UGGT1: variants seen among roughly 807,000 people sequenced by gnomAD.
UGGT1 encodes UDP-glucose:glycoprotein glucosyltransferase 1.
UGGT1 carries 107 observed loss-of-function variants against 203.9 expected under a neutral mutation model. The ratio of observed to expected loss-of-function variants is 0.52; its 90% CI spans 0.45 to 0.62. The LOEUF (loss-of-function observed/expected upper bound fraction) is 0.62. Ranked by LOEUF, UGGT1 falls within the 20% of genes least tolerant of loss-of-function variation. The probability of loss-of-function intolerance (pLI) is 0.00; values close to 1 mark genes in which losing one functional copy is unlikely to be tolerated. For synonymous variants in UGGT1, 628 were observed against 653.5 expected, an observed-to-expected ratio of 0.96 and a Z score of 0.59; for missense variants, 1,673 against 1,867.2, an observed-to-expected ratio of 0.90 and a Z score of 1.92.
In UGGT1 at chr2:128,157,350, A is replaced by G. The variant is rs762431110; in HGVS notation, c.2355+4A>G. On this transcript the variant is annotated splice_donor_region_variant and intron_variant, in intron 22 of 40. Coordinates refer to ENST00000259253, the MANE Select transcript of UGGT1 (RefSeq NM_020120.4). ...GTATGATGCCATCAAACATCAGGCAAGTATCTATGACTTCATTTTATATTT... is the reference window on the plus strand; with the variant it reads ...GTATGATGCCATCAAACATCAGGCAGGTATCTATGACTTCATTTTATATTT... 8.1e-6 allele frequency: 13 copies of G among 1,611,752 alleles called. No individual in the cohort carries two copies. Among genetic ancestry groups the G allele is most frequent in the South Asian group, 1.1e-5 (1 of 91,030 alleles).
intron 40 of UGGT1, among the ~76,000 whole-genome samples, chr2:128,188,093 T>C (rs1481389818): frequency 6.6e-6 from 1 of 151,506 alleles, no homozygotes; most frequent in Non-Finnish European, 1.5e-5. Context: ...TGATCTTGGC[T>C]CACTGCAGCC....
At position 128,091,353 on chromosome 2, in the gene UGGT1, C is replaced by T. The variant is rs1209788380; in HGVS notation, c.-5C>T. 8 of 1,559,864 alleles carry T rather than the reference C, an allele frequency of 5.1e-6. No homozygotes were observed. Among genetic ancestry groups the T allele is most frequent in the Non-Finnish European group, 6.9e-6 (8 of 1,152,298 alleles). On this transcript the variant is annotated 5_prime_UTR_variant, in exon 1 of 41. Coordinates refer to ENST00000259253, the MANE Select transcript of UGGT1 (RefSeq NM_020120.4). ...GCACTGTGGCGGACTGACCACGGCC[C>T]GGGCATGGGCTGCAAGGGAGACGCG...
chr2:128,153,541 G>A (rs1690082426), intron 19 of UGGT1, among the ~76,000 whole-genome samples: 1 of 151,910 alleles, frequency 6.6e-6, no homozygotes, highest in Non-Finnish European at 1.5e-5. Context: ...CTATCCTCTG[G>A]CAACAACTAA....
At chr2:128,108,762 TG>T (rs1341844272) in intron 4 of UGGT1, among the ~76,000 whole-genome samples, 1 of 152,164 alleles carries the variant, frequency 6.6e-6, no homozygotes, top group Non-Finnish European at 1.5e-5. Context: ...TCTGGCACCA[TG>T]GAAAGCCCTC....
At chr2:128,150,684 T>TTTTC (rs888045277) in intron 18 of UGGT1, among the ~76,000 whole-genome samples, 3 of 98,834 alleles carry the variant, frequency 3.0e-5, no homozygotes, top group Middle Eastern at 5.2e-3. Context: ...TTTTTTTTTT[T>TTTTC]ACAAATGTTT....
chr2:128,127,487 T>C (rs1553436451), intron 12 of UGGT1, 35 bp downstream of exon 12: 1 of 1,451,910 alleles, frequency 6.9e-7, no homozygotes. Context: ...TGAAAAGTTT[T>C]TGTAATGCGT....
At chr2:128,117,991 T>A (rs77974231) in intron 8 of UGGT1, among the ~76,000 whole-genome samples, 21,449 of 82,742 alleles carry the variant, frequency 0.26, 1,740 homozygotes, top group South Asian at 0.45. Flanking sequence ...TGTGTGTGTG[T>A]GTGAGAGAGA....
At chr2:128,147,045 A>G (rs1689727234) in intron 18 of UGGT1, among the ~76,000 whole-genome samples, 1 of 152,200 alleles carries the variant, frequency 6.6e-6, no homozygotes, top group Non-Finnish European at 1.5e-5. Context: ...CATGAATGAC[A>G]AAGACACTCC....
At position 128,116,253 on chromosome 2, in the gene UGGT1, A is replaced by G. The variant is rs187909548; in HGVS notation, c.794-12A>G. On this transcript the variant is annotated splice_polypyrimidine_tract_variant and intron_variant, in intron 7 of 40. Transcript: ENST00000259253. Reference sequence around the variant, plus strand: ...CAATTATTAATAATATGTATTTTCTATTCTTTCATAGGAACTGAGGTAAAC... The same window carrying G: ...CAATTATTAATAATATGTATTTTCTGTTCTTTCATAGGAACTGAGGTAAAC... 9.2e-4 allele frequency: 1,426 copies of G among 1,553,668 alleles called. 2 individuals carry two copies. The highest frequency in any genetic ancestry group is 1.1e-3 in the Non-Finnish European group (1,244 of 1,127,988).
At chr2:128,097,782 CTT>C (rs1224475171) in intron 2 of UGGT1, among the ~76,000 whole-genome samples, 2 of 152,198 alleles carry the variant, frequency 1.3e-5, no homozygotes, top group Non-Finnish European at 2.9e-5. Flanking sequence ...TATGTAGGAA[CTT>C]TGGACAAATA....
chr2:128,105,875 C>T (rs891761362), intron 3 of UGGT1, among the ~76,000 whole-genome samples: 4 of 57,814 alleles, frequency 6.9e-5, no homozygotes, highest in Non-Finnish European at 1.3e-4. Flanking sequence ...GTGTAGTTCA[C>T]TATAATCTTG....
intron 5 of UGGT1, among the ~76,000 whole-genome samples, chr2:128,110,576 T>C (rs1222894960): frequency 6.6e-6 from 1 of 152,172 alleles, no homozygotes; most frequent in African/African-American, 2.4e-5. Flanking sequence ...ATTGATGGCT[T>C]TGTAATTCTT....
chr2:128,091,211 T>A lies in UGGT1; in HGVS notation c.-147T>A. 1 of 890,756 alleles carries A rather than the reference T, an allele frequency of 1.1e-6. No homozygotes were observed. The highest frequency in any genetic ancestry group is 1.6e-6 in the Non-Finnish European group (1 of 619,850). The allele number at this position is 890,756 out of a possible 1,614,324, so 55.2% of individuals were successfully genotyped here. A position where few individuals can be genotyped will look rare whatever the true frequency, so the allele number is the denominator to read the frequency against. On this transcript the variant is annotated 5_prime_UTR_variant, in exon 1 of 41. Coordinates refer to ENST00000259253, the MANE Select transcript of UGGT1 (RefSeq NM_020120.4). ...AAAGGGCGGCCGGCAGCTGGGCAATTGCTTTGCGAGGCTGGGTGTTGAGTC... is the reference window on the plus strand; with the variant it reads ...AAAGGGCGGCCGGCAGCTGGGCAATAGCTTTGCGAGGCTGGGTGTTGAGTC...
chr2:128,182,412 C>T, intron 37 of UGGT1, 122 bp downstream of exon 37: 2 of 1,284,118 alleles, frequency 1.6e-6, no homozygotes, highest in South Asian at 1.7e-5. Flanking sequence ...ATAAAAAATA[C>T]ACAGTGGCTG....
Position 128,129,015 on chromosome 2 carries a change from G to GTT in UGGT1, c.1227-10_1227-9dup. 6.6e-7 allele frequency: 1 copy of GTT among 1,524,498 alleles called. No individual in the cohort carries two copies. Among genetic ancestry groups the GTT allele is most frequent in the Non-Finnish European group, 8.8e-7 (1 of 1,140,426 alleles). The allele number at this position is 1,524,498 out of a possible 1,614,324, so 94.4% of individuals were successfully genotyped here. A position where few individuals can be genotyped will look rare whatever the true frequency, so the allele number is the denominator to read the frequency against. Reference sequence around the variant, plus strand: ...TTTTTCCTAGTAAATATCTCTTTTTGTTTTTCCCCCCAGTCTGTTTGATGT... The same window carrying GTT: ...TTTTTCCTAGTAAATATCTCTTTTTGTTTTTTTCCCCCCAGTCTGTTTGATGT... On this transcript the variant is annotated splice_polypyrimidine_tract_variant and intron_variant, in intron 12 of 40. Transcript: ENST00000259253.
At chr2:128,106,759 A>T (rs181665401) in intron 3 of UGGT1, among the ~76,000 whole-genome samples, 10 of 152,262 alleles carry the variant, frequency 6.6e-5, no homozygotes, top group Non-Finnish European at 1.5e-4. Context: ...CATGTTGGCC[A>T]GGCTGGTCTT....
At chr2:128,179,961 C>A in intron 35 of UGGT1, 91 bp downstream of exon 35, 1 of 1,149,720 alleles carries the variant, frequency 8.7e-7, no homozygotes. Flanking sequence ...TATACTTTAG[C>A]AAATTTTCCA....
chr2:128,175,176 G>A (rs1162319334), intron 31 of UGGT1, among the ~76,000 whole-genome samples: 1 of 152,158 alleles, frequency 6.6e-6, no homozygotes, highest in African/African-American at 2.4e-5. Context: ...CTTGAAGAAA[G>A]GAGAAAAGAA....
Position 128,129,175 on chromosome 2 carries a change from T to G in UGGT1, c.1373T>G (p.Ile458Ser), listed in dbSNP as rs1300591389. The change falls in exon 13 of 41, where the codon ATT (isoleucine) becomes AGT (serine). Residue 458 changes from isoleucine (I) to serine (S), a missense_variant. By Grantham distance (142) the Ile-to-Ser change is moderately radical. Transcript: ENST00000259253. The part of the protein sequence containing the change: ...DYAVDIRSPA[I>S]SWVNNLEVDS... ...GCCGTAGACATCCGGAGTCCTGCTA[T>G]TTCAGTGAGTATTTTGTTAGGGTGA... 4.4e-6 allele frequency: 7 copies of G among 1,607,304 alleles called. No individual in the cohort carries two copies. The highest frequency in any genetic ancestry group is 5.9e-6 in the Non-Finnish European group (7 of 1,178,438).
Sources: gnomAD v4.1 joint callset for allele counts (sites outside exome capture counted in the v4.1 genomes callset) on GRCh38, gnomAD v4.1.1 for gene constraint, MANE v1.5 for transcripts, NCBI Gene and HGNC (gene_info 2026-07-23, HGNC 2026-07-21) for gene names.